The following ZNF146 variants were observed in gnomAD, a reference collection of about 807,000 sequenced individuals.
ZNF146 encodes zinc finger protein 146, also known as zinc finger protein OZF.
ZNF146 carries 9 observed loss-of-function variants against 22.2 expected under a neutral mutation model. That is an observed-to-expected ratio of 0.41 (90% CI 0.24 to 0.71). The LOEUF (loss-of-function observed/expected upper bound fraction) is 0.71, where lower values mean the gene tolerates loss of function less well. ZNF146 is among the 30% of genes least tolerant of loss of function. The pLI is 0.34. For synonymous variants in ZNF146, 108 were observed against 119.2 expected (o/e 0.91, Z 0.61); for missense variants, 194 against 344.8 (o/e 0.56, Z 3.46).
Position 36,236,513 on chromosome 19 carries a change from T to G in ZNF146, c.73T>G (p.Phe25Val). ...TGCCTGTAAGGTATGTGGAAAAGTC[T>G]TCAGCCACAAATCAAACCTCACTGA... Reference protein sequence around the residue: ...PFACKVCGKVFSHKSNLTEHE... With the variant: ...PFACKVCGKVVSHKSNLTEHE... Residue 25 changes from phenylalanine to valine, a missense_variant, in exon 4 of 4, where the codon TTC becomes GTC. By Grantham distance (50) the Phe-to-Val change is conservative. Transcript: ENST00000443387. The G allele has an allele frequency of 6.2e-7, 1 of 1,614,184 alleles. No individual in the cohort carries two copies. The highest frequency in any genetic ancestry group is 1.1e-5 in the South Asian group (1 of 91,078).
intron 3 of ZNF146, among the ~76,000 whole-genome samples, chr19:36,230,224 G>C (rs1977267917): frequency 6.6e-6 from 1 of 152,190 alleles, no homozygotes; most frequent in Non-Finnish European, 1.5e-5. Context: ...GCTCTCAAAA[G>C]AAGTAAACCC....
Position 36,237,253 on chromosome 19 carries a change from T to A in ZNF146, c.813T>A (p.Ser271Arg). The A allele has an allele frequency of 6.2e-7, 1 of 1,613,998 alleles. No individual in the cohort carries two copies. The highest frequency in any genetic ancestry group is 8.5e-7 in the Non-Finnish European group (1 of 1,179,956). ...CAGGTAAGAAGCCTTATCAGTGCAG[T>A]GAATGTGGGAAAGCTTTCAGCCAGA... ...IHTGKKPYQC[S>R]ECGKAFSQKS... Residue 271 changes from serine to arginine, a missense_variant, in exon 4 of 4, where the codon AGT (serine) becomes AGA (arginine). Ser to Arg is a moderately radical substitution (Grantham distance 110). Transcript: ENST00000443387.
intron 1 of ZNF146, among the ~76,000 whole-genome samples, chr19:36,216,379 G>C (rs532461920): frequency 6.6e-6 from 1 of 152,212 alleles, no homozygotes; most frequent in South Asian, 2.1e-4. Flanking sequence ...GGTGGCTCAT[G>C]CCTGTAATCC....
Position 36,236,938 on chromosome 19 carries a change from C to T in ZNF146, c.498C>T (p.Gly166=), listed in dbSNP as rs1315493455. 1 of 1,614,034 alleles carries T rather than the reference C, an allele frequency of 6.2e-7. No individual in the cohort carries two copies. The highest frequency in any genetic ancestry group is 1.1e-5 in the South Asian group (1 of 91,066). ...FKCSECGTAF[G]QKKYLIKHQN... is the part of the protein sequence containing the mutation. ...GTAGTGAATGTGGAACAGCCTTTGGCCAGAAGAAGTACCTCATAAAACATC... is the reference window on the plus strand; with the variant it reads ...GTAGTGAATGTGGAACAGCCTTTGGTCAGAAGAAGTACCTCATAAAACATC... The change falls in exon 4 of 4, where the codon GGC becomes GGT. Residue 166 remains glycine (G), a synonymous_variant. Transcript: ENST00000443387.
chr19:36,223,358 T>A (rs1251046998), intron 2 of ZNF146, among the ~76,000 whole-genome samples: 3 of 145,998 alleles, frequency 2.1e-5, no homozygotes, highest in Admixed American at 2.0e-4. Context: ...AAAAAAAAAA[T>A]CTAGTTACAT....
chr19:36,229,307 A>G (rs1316753728), intron 3 of ZNF146, among the ~76,000 whole-genome samples: 1 of 152,124 alleles, frequency 6.6e-6, no homozygotes, highest in Non-Finnish European at 1.5e-5. Context: ...TCCTCTGCCT[A>G]CCTTTCTTCT....
chr19:36,220,565 C>T lies in ZNF146; in HGVS notation c.-855+2370C>T, dbSNP rs200458344. ...ATTTTTAGTAGAGATGGGGTTTCACCGTGTTAGCCAGGATGGTCTCGATCT... is the reference window on the plus strand; with the variant it reads ...ATTTTTAGTAGAGATGGGGTTTCACTGTGTTAGCCAGGATGGTCTCGATCT... On this transcript the variant is annotated intron_variant, in intron 2 of 3. Transcript: ENST00000443387. 3.1e-4 allele frequency among the ~76,000 whole-genome samples: 47 copies of T among 152,118 alleles called. No homozygotes were observed. In the East Asian group the frequency reaches 5.4e-3, roughly 18 times the overall value.
Position 36,237,123 on chromosome 19 carries a change from C to T in ZNF146, c.683C>T (p.Thr228Ile). ...GKAFSQSSSLTVHVRSHTGEK... is the reference protein window; with the variant it reads ...GKAFSQSSSLIVHVRSHTGEK... ...GCCTTCTCTCAGAGCTCATCTCTCA[C>T]TGTGCATGTGAGAAGCCATACAGGG... Residue 228 changes from threonine to isoleucine, a missense_variant, in exon 4 of 4, where the codon ACT becomes ATT. By Grantham distance (89) the Thr-to-Ile change is moderately conservative. Coordinates refer to ENST00000443387, the MANE Select transcript of ZNF146 (RefSeq NM_007145.3). 1 of 1,614,156 alleles carries T rather than the reference C, an allele frequency of 6.2e-7. No individual in the cohort carries two copies. The highest frequency in any genetic ancestry group is 8.5e-7 in the Non-Finnish European group (1 of 1,180,014).
chr19:36,218,840 G>C (rs1437224210), intron 2 of ZNF146, among the ~76,000 whole-genome samples: 1 of 134,854 alleles, frequency 7.4e-6, no homozygotes, highest in Non-Finnish European at 1.6e-5. Flanking sequence ...ACAGAGTCTC[G>C]GTTTGTCGCC....
Position 36,237,479 on chromosome 19 carries a change from A to G in ZNF146, c.*160A>G. 1 of 804,532 alleles carries G rather than the reference A, an allele frequency of 1.2e-6. No homozygotes were observed. The highest frequency in any genetic ancestry group is 2.2e-5 in the South Asian group (1 of 45,316). The allele number at this position is 804,532 out of a possible 1,614,324, so 49.8% of individuals were successfully genotyped here. A position where few individuals can be genotyped will look rare whatever the true frequency, so the allele number is the denominator to read the frequency against. ...CACCAGAAAATTTGTACTGAAGAGA[A>G]AGACATGCATATGATTAAAACCCTG... is the stretch of plus-strand genomic sequence containing the variant. On this transcript the variant is annotated 3_prime_UTR_variant, in exon 4 of 4. Coordinates refer to ENST00000443387, the MANE Select transcript of ZNF146 (RefSeq NM_007145.3).
At chr19:36,232,823 T>G (rs1977445898) in intron 3 of ZNF146, among the ~76,000 whole-genome samples, 1 of 152,168 alleles carries the variant, frequency 6.6e-6, no homozygotes, top group Admixed American at 6.5e-5. Flanking sequence ...TTGGCCAGGC[T>G]TGTCTTAAAC....
intron 2 of ZNF146, among the ~76,000 whole-genome samples, chr19:36,226,538 T>C (rs1977074640): frequency 6.6e-6 from 1 of 152,246 alleles, no homozygotes; most frequent in African/African-American, 2.4e-5. Flanking sequence ...TTTGGTTGTT[T>C]TATTTTTCCT....
At chr19:36,232,061 G>GGC (rs1361240255) in intron 3 of ZNF146, among the ~76,000 whole-genome samples, 2 of 151,896 alleles carry the variant, frequency 1.3e-5, no homozygotes, top group African/African-American at 2.4e-5. Flanking sequence ...AAACTAGCTG[G>GGC]GCGTGGTGAT....
chr19:36,223,553 C>T (rs1290117816), intron 2 of ZNF146, among the ~76,000 whole-genome samples: 4 of 151,744 alleles, frequency 2.6e-5, no homozygotes, highest in East Asian at 2.0e-4. Context: ...TTAGTAGAGA[C>T]GGGGTTTCAC....
At chr19:36,220,242 A>G (rs986198173) in intron 2 of ZNF146, among the ~76,000 whole-genome samples, 7 of 152,324 alleles carry the variant, frequency 4.6e-5, no homozygotes, top group South Asian at 4.1e-4. Flanking sequence ...ATTGCAGAGC[A>G]TTTAAAAAAT....
chr19:36,226,589 C>G (rs1438086445), intron 2 of ZNF146, among the ~76,000 whole-genome samples: 3 of 151,852 alleles, frequency 2.0e-5, no homozygotes, highest in Admixed American at 2.0e-4. Flanking sequence ...TTTTCCTGAA[C>G]GATTTGAAAC....
intron 3 of ZNF146, among the ~76,000 whole-genome samples, chr19:36,232,217 C>T (rs1038992590): frequency 2.9e-4 from 43 of 147,746 alleles, no homozygotes; most frequent in African/African-American, 1.1e-3. Context: ...AAAAAACATA[C>T]AAATTATGTG....
chr19:36,236,214 T>G lies in ZNF146; in HGVS notation c.-227T>G, dbSNP rs1568437491. The stretch of plus-strand genomic sequence containing the variant: ...AGAAACTAGTGAAGGTAGCAATACT[T>G]CATTGAATATTAGAAAATTTTTCTA... On this transcript the variant is annotated 5_prime_UTR_variant, in exon 4 of 4. Coordinates refer to ENST00000443387, the MANE Select transcript of ZNF146 (RefSeq NM_007145.3). The G allele has an allele frequency of 2.1e-6, 1 of 486,294 alleles. No homozygotes were observed. The highest frequency in any genetic ancestry group is 3.9e-5 in the South Asian group (1 of 25,904). The allele number at this position is 486,294 out of a possible 1,614,324, so 30.1% of individuals were successfully genotyped here. A position where few individuals can be genotyped will look rare whatever the true frequency, so the allele number is the denominator to read the frequency against.
At chr19:36,226,982 C>T (rs2145425633) in intron 2 of ZNF146, among the ~76,000 whole-genome samples, 1 of 152,114 alleles carries the variant, frequency 6.6e-6, no homozygotes, top group Admixed American at 6.5e-5. Context: ...GCTCCGGAGG[C>T]TGAGACAGGA....
Sources: allele counts gnomAD v4.1 joint callset (sites outside exome capture counted in the v4.1 genomes callset), GRCh38; gene constraint gnomAD v4.1.1; transcripts MANE v1.5; gene names NCBI Gene and HGNC (gene_info 2026-07-23, HGNC 2026-07-21).